ZSWIM4: variants seen among roughly 807,000 people sequenced by gnomAD.
The protein encoded by ZSWIM4 is zinc finger SWIM-type containing 4.
Under a neutral mutation model 102.5 loss-of-function variants are expected in ZSWIM4, and 62 were observed. That is an observed-to-expected ratio of 0.60 (90% CI 0.49 to 0.75). The LOEUF is 0.75. ZSWIM4 is among the 30% of genes least tolerant of loss of function. ZSWIM4 has a pLI of 0.00. For missense variants in ZSWIM4, 1,280 were observed against 1,529.6 expected (o/e 0.84, Z 2.72); for synonymous variants, 652 against 674.5 (o/e 0.97, Z 0.52).
intron 1 of ZSWIM4, among the ~76,000 whole-genome samples, chr19:13,796,156 C>T (rs1199678753): frequency 6.7e-6 from 1 of 150,066 alleles, no homozygotes; most frequent in Non-Finnish European, 1.5e-5. Context: ...TATCCCCCAA[C>T]GGTACCCCTC....
intron 7 of ZSWIM4, among the ~76,000 whole-genome samples, chr19:13,815,502 G>A (rs1318418113): frequency 1.8e-5 from 2 of 112,020 alleles, no homozygotes; most frequent in Non-Finnish European, 3.4e-5. Context: ...ATGGAGTCTC[G>A]GTCTTTCGCC....
rs147342539 is a variant in ZSWIM4 at position 13,823,543 on chromosome 19, G to A, written c.2215+43G>A. On this transcript the variant is annotated intron_variant, in intron 11 of 13. Coordinates refer to ENST00000590508, the MANE Select transcript of ZSWIM4 (RefSeq NM_001367834.3). Reference sequence around the variant, plus strand: ...CCCGATTCCTTTGTCTTCCTCCTCTGTCATCTCCTTCTTCCTTCCCTCTTA... The same window carrying A: ...CCCGATTCCTTTGTCTTCCTCCTCTATCATCTCCTTCTTCCTTCCCTCTTA... 9.3e-5 allele frequency: 143 copies of A among 1,542,910 alleles called. 1 individual carries two copies. In the African/African-American group the frequency reaches 1.6e-3, roughly 17 times the overall value.
chr19:13,808,771 T>G, intron 3 of ZSWIM4, 65 bp from the exon 4 acceptor site: 1 of 1,002,928 alleles, frequency 1.0e-6, no homozygotes, highest in Non-Finnish European at 1.4e-6. Flanking sequence ...AGGACAGCTC[T>G]CCTCAACCCA....
intron 7 of ZSWIM4, 55 bp from the exon 8 acceptor site, chr19:13,817,161 C>T (rs1377147663): frequency 6.4e-7 from 1 of 1,565,138 alleles, no homozygotes; most frequent in African/African-American, 1.4e-5. Context: ...ATATCCCTCC[C>T]TCCTAGAGAC....
At position 13,809,576 on chromosome 19, in the gene ZSWIM4, G is replaced by A. The variant is rs1035026494; in HGVS notation, c.1012+356G>A. Among the ~76,000 whole-genome samples, 7 of 152,116 alleles carry A rather than the reference G, an allele frequency of 4.6e-5. No individual in the cohort carries two copies. Among genetic ancestry groups the A allele is most frequent in the African/African-American group, 1.4e-4 (6 of 41,418 alleles). ...CGGCTGACTGCAACCTCTGCCTCCC[G>A]GACTCAAGTGATCCTACACCTCAGC... On this transcript the variant is annotated intron_variant, in intron 5 of 13. Transcript: ENST00000590508. This position sits in a 1 kb window ranked among gnomAD's most constrained non-coding sequence, Gnocchi z 4.2.
chr19:13,817,252 C>T lies in ZSWIM4; in HGVS notation c.1568C>T (p.Thr523Ile). 1 of 1,613,960 alleles carries T rather than the reference C, an allele frequency of 6.2e-7. No individual in the cohort carries two copies. Among genetic ancestry groups the T allele is most frequent in the Non-Finnish European group, 8.5e-7 (1 of 1,179,856 alleles). The change falls in exon 8 of 14, where the codon ACC becomes ATC. Residue 523 changes from threonine (T) to isoleucine (I), a missense_variant. Transcript: ENST00000590508. Reference protein sequence around the residue: ...LQKGSTCITNTEGWVGHPLDP... With the variant: ...LQKGSTCITNIEGWVGHPLDP... ...AAGGGCTCCACCTGCATCACCAACACCGAAGGATGGGTGGGGCACCCCCTG... is the reference window on the plus strand; with the variant it reads ...AAGGGCTCCACCTGCATCACCAACATCGAAGGATGGGTGGGGCACCCCCTG...
chr19:13,830,512 A>C lies in ZSWIM4; in HGVS notation c.2783A>C (p.Tyr928Ser). 3 of 1,599,894 alleles carry C rather than the reference A, an allele frequency of 1.9e-6. No homozygotes were observed. Among genetic ancestry groups the C allele is most frequent in the Non-Finnish European group, 2.5e-6 (3 of 1,179,422 alleles). ...GHAHLFTVARYMEHRGLPLRA... is the reference protein window; with the variant it reads ...GHAHLFTVARSMEHRGLPLRA... ...GCCCACCTCTTCACTGTGGCCCGCTATATGGAGCACCGCGGGCTGCCGCTC... is the reference window on the plus strand; with the variant it reads ...GCCCACCTCTTCACTGTGGCCCGCTCTATGGAGCACCGCGGGCTGCCGCTC... Residue 928 changes from tyrosine to serine, a missense_variant, in exon 14 of 14, where the codon TAT becomes TCT. Tyr to Ser is a moderately radical substitution (Grantham distance 144, BLOSUM62 -2). Transcript: ENST00000590508.
chr19:13,828,583 G>A (rs752981368), intron 12 of ZSWIM4, 62 bp from the exon 13 acceptor site: 3 of 1,497,726 alleles, frequency 2.0e-6, no homozygotes, highest in Non-Finnish European at 2.8e-6. Context: ...ATCTCCCAAC[G>A]CCCCTCCATA....
chr19:13,795,704 G>C lies in ZSWIM4; in HGVS notation c.56G>C (p.Arg19Pro), dbSNP rs2145235190. The change falls in exon 1 of 14, where the codon CGC becomes CCC. Residue 19 changes from arginine (R) to proline (P), a missense_variant. Physicochemically the swap from Arg to Pro is moderately radical, Grantham distance 103. Transcript: ENST00000590508. ...SRGCPAGPEE[R>P]DAGAGAARGR... Reference sequence around the variant, plus strand: ...GGCTGCCCCGCGGGACCCGAGGAGCGCGATGCCGGGGCCGGGGCCGCGCGT... The same window carrying C: ...GGCTGCCCCGCGGGACCCGAGGAGCCCGATGCCGGGGCCGGGGCCGCGCGT... The C allele has an allele frequency of 8.6e-7, 1 of 1,167,904 alleles. No homozygotes were observed. The allele number at this position is 1,167,904 out of a possible 1,614,324, so 72.3% of individuals were successfully genotyped here. A position where few individuals can be genotyped will look rare whatever the true frequency, so the allele number is the denominator to read the frequency against.
intron 1 of ZSWIM4, among the ~76,000 whole-genome samples, chr19:13,799,006 C>T (rs1284972709): frequency 6.6e-6 from 1 of 151,956 alleles, no homozygotes; most frequent in Non-Finnish European, 1.5e-5. Context: ...CCAGGCTGCT[C>T]TCGAACTCCT....
chr19:13,804,363 G>A (rs539804720), intron 2 of ZSWIM4, among the ~76,000 whole-genome samples: 3 of 152,002 alleles, frequency 2.0e-5, no homozygotes, highest in East Asian at 2.0e-4. Context: ...CCAGCTACTC[G>A]GGAAGCTGAG....
chr19:13,830,751 C>A lies in ZSWIM4; in HGVS notation c.3022C>A (p.Pro1008Thr). Residue 1008 changes from proline to threonine, a missense_variant, in exon 14 of 14, where the codon CCC becomes ACC. Coordinates refer to ENST00000590508, the MANE Select transcript of ZSWIM4 (RefSeq NM_001367834.3). ...TCTGCGCCGCTGGACTCTCTCGGCGCCCGGTCTGGGCCCCTTAGGGGCACG... is the reference window on the plus strand; with the variant it reads ...TCTGCGCCGCTGGACTCTCTCGGCGACCGGTCTGGGCCCCTTAGGGGCACG... Reference protein sequence around the residue: ...DILRRWTLSAPGLGPLGARRA... With the variant: ...DILRRWTLSATGLGPLGARRA... The A allele has an allele frequency of 6.2e-7, 1 of 1,607,764 alleles. No homozygotes were observed.
In ZSWIM4 at chr19:13,795,731, G is replaced by T. The variant is rs1245337728; in HGVS notation, c.83G>T (p.Gly28Val). Residue 28 changes from glycine to valine, a missense_variant, in exon 1 of 14, where the codon GGC (glycine) becomes GTC (valine). Coordinates refer to ENST00000590508, the MANE Select transcript of ZSWIM4 (RefSeq NM_001367834.3). ...GATGCCGGGGCCGGGGCCGCGCGTGGCCGGGGCCGGCCCGAGGCGCTGCTG... is the reference window on the plus strand; with the variant it reads ...GATGCCGGGGCCGGGGCCGCGCGTGTCCGGGGCCGGCCCGAGGCGCTGCTG... ...ERDAGAGAAR[G>V]RGRPEALLDL... 4.9e-6 allele frequency: 6 copies of T among 1,219,920 alleles called. No homozygotes were observed. Among genetic ancestry groups the T allele is most frequent in the Non-Finnish European group, 6.1e-6 (6 of 979,576 alleles). 75.6% of individuals were successfully genotyped at this position (1,219,920 alleles called of 1,614,324 possible). A position where few individuals can be genotyped will look rare whatever the true frequency, so the allele number is the denominator to read the frequency against.
chr19:13,830,433 T>G lies in ZSWIM4; in HGVS notation c.2704T>G (p.Phe902Val). The G allele has an allele frequency of 6.2e-7, 1 of 1,609,474 alleles. No individual in the cohort carries two copies. Among genetic ancestry groups the G allele is most frequent in the Admixed American group, 1.7e-5 (1 of 60,020 alleles). Residue 902 changes from phenylalanine (F) to valine (V), a missense_variant, in exon 14 of 14, where the codon TTC (phenylalanine) becomes GTC (valine). Phe to Val is a conservative substitution (Grantham distance 50). Coordinates refer to ENST00000590508, the MANE Select transcript of ZSWIM4 (RefSeq NM_001367834.3). ...CCTGTGCGAGAAGAACCACTCGGCCTTCGAGGCGGCCTACCAGATCGTGCT... is the reference window on the plus strand; with the variant it reads ...CCTGTGCGAGAAGAACCACTCGGCCGTCGAGGCGGCCTACCAGATCGTGCT... ...LTLCEKNHSA[F>V]EAAYQIVLDA...
rs1975769134 is a variant in ZSWIM4 at position 13,831,587 on chromosome 19, C to T, written c.*537C>T. On this transcript the variant is annotated 3_prime_UTR_variant, in exon 14 of 14. Transcript: ENST00000590508. The stretch of plus-strand genomic sequence containing the variant: ...GAGGCCTCAGGCCTCAGCCTCATAC[C>T]TCACCCCCTTATCCTATCCGGCCAG... 6.5e-6 allele frequency: 1 copy of T among 153,046 alleles called. No individual in the cohort carries two copies. The highest frequency in any genetic ancestry group is 2.4e-5 in the African/African-American group (1 of 41,334). The allele number at this position is 153,046 out of a possible 1,614,324, so 9.5% of individuals were successfully genotyped here.
chr19:13,831,083 C>A lies in ZSWIM4; in HGVS notation c.*33C>A. 6.5e-7 allele frequency: 1 copy of A among 1,527,364 alleles called. No individual in the cohort carries two copies. The highest frequency in any genetic ancestry group is 1.3e-5 in the South Asian group (1 of 78,954). The allele number at this position is 1,527,364 out of a possible 1,614,324, so 94.6% of individuals were successfully genotyped here. ...TGGGGTGCGTGGGAGTGGGGATCCC[C>A]CTCGCCCCTGCGTCCCCCACCCTTG... On this transcript the variant is annotated 3_prime_UTR_variant, in exon 14 of 14. Transcript: ENST00000590508.
At chr19:13,829,901 CG>C in intron 13 of ZSWIM4, among the ~76,000 whole-genome samples, 1 of 151,894 alleles carries the variant, frequency 6.6e-6, no homozygotes, top group South Asian at 2.1e-4. Flanking sequence ...AGGGCTTGGC[CG>C]GGAGGGAATG....
intron 8 of ZSWIM4, 126 bp from the exon 9 acceptor site, chr19:13,817,596 G>T: frequency 8.0e-7 from 1 of 1,251,182 alleles, no homozygotes. Flanking sequence ...CCCCGTGAGT[G>T]CTGGGAGCTT....
chr19:13,821,751 C>T (rs1253360739), intron 10 of ZSWIM4, among the ~76,000 whole-genome samples: 1 of 151,348 alleles, frequency 6.6e-6, no homozygotes, highest in Non-Finnish European at 1.5e-5. Flanking sequence ...GGGAGTCTCA[C>T]TTTCTCGCCC....
Sources: gnomAD v4.1 joint callset for allele counts (sites outside exome capture counted in the v4.1 genomes callset) on GRCh38, gnomAD v4.1.1 for gene constraint, Gnocchi (gnomAD v3.1) non-coding constraint, MANE v1.5 for transcripts, NCBI Gene and HGNC (gene_info 2026-07-23, HGNC 2026-07-21) for gene names.